WWC1: variants seen among roughly 807,000 people sequenced by gnomAD.
WWC1 encodes the protein protein KIBRA.
WWC1 carries 55 observed loss-of-function variants against 138.4 expected under a neutral mutation model. The ratio of observed to expected loss-of-function variants is 0.40; its 90% CI spans 0.32 to 0.50. The LOEUF is 0.50. Ranked by LOEUF, WWC1 falls within the 20% of genes least tolerant of loss-of-function variation. The pLI is 0.72. For missense variants in WWC1, 1,226 were observed against 1,420.4 expected (o/e 0.86, Z 2.20); for synonymous variants, 524 against 564.9 (o/e 0.93, Z 1.03).
rs746779419 is a variant in WWC1, at chr5:168,397,677, A to C, written c.434-47A>C. On this transcript the variant is annotated intron_variant, in intron 3 of 22. Coordinates refer to ENST00000265293, the MANE Select transcript of WWC1 (RefSeq NM_015238.3). Reference sequence around the variant, plus strand: ...ATGGCCAATAAGCCAACTTTGCTGAAATCTGTTTCTTCTACTGATATTCTT... The same window carrying C: ...ATGGCCAATAAGCCAACTTTGCTGACATCTGTTTCTTCTACTGATATTCTT... 3.1e-6 allele frequency: 5 copies of C among 1,608,174 alleles called. No homozygotes were observed. In the South Asian group the frequency reaches 3.3e-5, roughly 11 times the overall value.
rs1231344541 is a variant in WWC1, at chr5:168,461,607, TG to T, written c.2916+870del. Among the ~76,000 whole-genome samples the T allele has an allele frequency of 5.9e-5, 9 of 152,034 alleles. No homozygotes were observed. The East Asian group carries it at 1.7e-3, about 30-fold the overall frequency. ...ACTGAGCTGAGCCATCCGGATGGGG[TG>T]GGGGTAGGCAAAGGAGCGACCCCTG... On this transcript the variant is annotated intron_variant, in intron 20 of 22. Transcript: ENST00000265293.
chr5:168,299,660 C>T (rs986939519), intron 1 of WWC1, among the ~76,000 whole-genome samples: 1 of 152,220 alleles, frequency 6.6e-6, no homozygotes, highest in Non-Finnish European at 1.5e-5. Context: ...GTGAGAAGAA[C>T]ACTGCCCTTT....
intron 21 of WWC1, among the ~76,000 whole-genome samples, chr5:168,467,012 A>C (rs1264079797): frequency 6.6e-6 from 1 of 152,232 alleles, no homozygotes; most frequent in South Asian, 2.1e-4. Flanking sequence ...CTGTAATCCC[A>C]GCACTTTGGG....
At chr5:168,453,668 C>T (rs1214688071) in intron 17 of WWC1, among the ~76,000 whole-genome samples, 2 of 152,146 alleles carry the variant, frequency 1.3e-5, no homozygotes, top group Non-Finnish European at 2.9e-5. Flanking sequence ...GCCTCAGCCT[C>T]CCGAGTAGCT....
chr5:168,440,923 G>T (rs1754693984), intron 15 of WWC1, among the ~76,000 whole-genome samples: 1 of 152,162 alleles, frequency 6.6e-6, no homozygotes, highest in Non-Finnish European at 1.5e-5. Context: ...CAGATGGCTG[G>T]ATAAGCAAAA....
In WWC1 at chr5:168,365,377, C is replaced by T. The variant is rs563646251; in HGVS notation, c.120-6047C>T. The stretch of plus-strand genomic sequence containing the variant: ...GAGAGCAGGCCAGCATCCTGCTGGA[C>T]GGTAATAAAGAGGTTACTGTGGGAA... On this transcript the variant is annotated intron_variant, in intron 1 of 22. Transcript: ENST00000265293. 4.3e-4 allele frequency among the ~76,000 whole-genome samples: 66 copies of T among 152,154 alleles called. No homozygotes were observed. In the Middle Eastern group the frequency reaches 0.01, roughly 24 times the overall value.
Position 168,460,755 on chromosome 5 carries a change from C to A in WWC1, c.2916+13C>A. 6.2e-7 allele frequency: 1 copy of A among 1,613,980 alleles called. No homozygotes were observed. The highest frequency in any genetic ancestry group is 8.5e-7 in the Non-Finnish European group (1 of 1,179,878). ...CCGGATGAAGCGGGTAAGAGAGTCA[C>A]CTCAAAGCTATTTTTCTGCCTGCTC... On this transcript the variant is annotated intron_variant, in intron 20 of 22. Coordinates refer to ENST00000265293, the MANE Select transcript of WWC1 (RefSeq NM_015238.3).
chr5:168,441,248 T>G (rs1754727132), intron 15 of WWC1, among the ~76,000 whole-genome samples: 1 of 152,178 alleles, frequency 6.6e-6, no homozygotes, highest in Non-Finnish European at 1.5e-5. Context: ...ATAGTGGTGG[T>G]TACCAGGAGC....
intron 1 of WWC1, among the ~76,000 whole-genome samples, chr5:168,331,716 G>T (rs988963991): frequency 2.0e-5 from 3 of 152,126 alleles, no homozygotes; most frequent in Admixed American, 1.3e-4. Flanking sequence ...TGAAAACCGT[G>T]GAAAAACCAT....
chr5:168,351,497 GGAGGC>G (rs1561644948), intron 1 of WWC1, among the ~76,000 whole-genome samples: 2 of 152,152 alleles, frequency 1.3e-5, no homozygotes, highest in African/African-American at 4.8e-5. Context: ...TTCCACTCTA[GGAGGC>G]GAGAGAAGAG....
At chr5:168,455,759 C>T (rs1756259148) in intron 19 of WWC1, among the ~76,000 whole-genome samples, 1 of 152,180 alleles carries the variant, frequency 6.6e-6, no homozygotes. Flanking sequence ...CCAAACAACT[C>T]ACTTCCTCCT....
chr5:168,322,788 C>T (rs1327324101), intron 1 of WWC1, among the ~76,000 whole-genome samples: 3 of 152,162 alleles, frequency 2.0e-5, no homozygotes, highest in African/African-American at 4.8e-5. Context: ...TGCTTTTCTA[C>T]CCCACCATTT....
Position 168,371,467 on chromosome 5 carries a change from T to A in WWC1, c.163T>A (p.Leu55Met). 2.5e-6 allele frequency: 4 copies of A among 1,614,084 alleles called. No homozygotes were observed. The highest frequency in any genetic ancestry group is 3.4e-6 in the Non-Finnish European group (4 of 1,179,998). ...LTFADCISDE[L>M]PLGWEEAYDP... is the part of the protein sequence containing the mutation. ...CTTTGCTGACTGCATTAGTGATGAG[T>A]TGCCGCTAGGATGGGAAGAGGCATA... is the stretch of plus-strand genomic sequence containing the variant. Residue 55 changes from leucine to methionine, a missense_variant, in exon 2 of 23, where the codon TTG becomes ATG. Coordinates refer to ENST00000265293, the MANE Select transcript of WWC1 (RefSeq NM_015238.3).
intron 1 of WWC1, among the ~76,000 whole-genome samples, chr5:168,347,306 G>T (rs912058989): frequency 6.6e-6 from 1 of 152,184 alleles, no homozygotes; most frequent in Non-Finnish European, 1.5e-5. Flanking sequence ...CCTCAAGAAG[G>T]AGGCAGTTCC....
intron 1 of WWC1, among the ~76,000 whole-genome samples, chr5:168,355,100 G>A (rs1471116706): frequency 6.6e-6 from 1 of 152,188 alleles, no homozygotes; most frequent in African/African-American, 2.4e-5. Flanking sequence ...GTTGGAATGG[G>A]AGAGACAGAC....
chr5:168,400,413 ATAAG>A (rs1165882518), intron 5 of WWC1, among the ~76,000 whole-genome samples: 1 of 152,146 alleles, frequency 6.6e-6, no homozygotes, highest in Non-Finnish European at 1.5e-5. Flanking sequence ...GCTCCCACTT[ATAAG>A]TGAGAACACG....
chr5:168,360,648 G>A (rs1471840385), intron 1 of WWC1, among the ~76,000 whole-genome samples: 2 of 152,238 alleles, frequency 1.3e-5, no homozygotes, highest in East Asian at 1.9e-4. Flanking sequence ...TTAAGGTCCA[G>A]CAACAGGAGT....
chr5:168,409,015 C>A (rs1425935342), intron 7 of WWC1, among the ~76,000 whole-genome samples: 3 of 152,062 alleles, frequency 2.0e-5, no homozygotes, highest in African/African-American at 7.2e-5. Flanking sequence ...TTTCTTTCCC[C>A]AGCTGGACAG....
At chr5:168,414,733 C>A (rs374847586) in intron 9 of WWC1, 143 bp downstream of exon 9, 17 of 1,223,124 alleles carry the variant, frequency 1.4e-5, no homozygotes, top group Non-Finnish European at 1.9e-5. Context: ...CTCAGGTTGC[C>A]GACATAGGAA....
Sources: gnomAD v4.1 joint callset for allele counts (sites outside exome capture counted in the v4.1 genomes callset) on GRCh38, gnomAD v4.1.1 for gene constraint, MANE v1.5 for transcripts, NCBI Gene and HGNC (gene_info 2026-07-23, HGNC 2026-07-21) for gene names.